PCDHGB4: variants seen among roughly 807,000 people sequenced by gnomAD.
PCDHGB4 encodes the protein protocadherin gamma-B4.
PCDHGB4 carries 38 observed loss-of-function variants against 60.5 expected under a neutral mutation model. The observed-to-expected ratio is 0.63, with a 90% CI of 0.48 to 0.82. PCDHGB4 has a LOEUF of 0.82. PCDHGB4 is among the 40% of genes least tolerant of loss of function. The pLI is 0.00. For synonymous variants in PCDHGB4, 456 were observed against 509.7 expected, an observed-to-expected ratio of 0.89 and a Z score of 1.42; for missense variants, 1,109 against 1,209.6, an observed-to-expected ratio of 0.92 and a Z score of 1.23.
intron 1 of PCDHGB4, among the ~76,000 whole-genome samples, chr5:141,466,670 G>T (rs994949602): frequency 6.6e-6 from 1 of 152,046 alleles, no homozygotes; most frequent in Non-Finnish European, 1.5e-5. Flanking sequence ...TGATTTCACC[G>T]TTCTTCCACT....
chr5:141,413,050 G>C (rs868475186), intron 1 of PCDHGB4: 5 of 939,920 alleles, frequency 5.3e-6, no homozygotes, highest in Middle Eastern at 3.3e-4. Flanking sequence ...CTGCAGGGAA[G>C]CTCACTCCAG....
At chr5:141,400,357 T>C (rs769075513) in intron 1 of PCDHGB4, 1 of 1,614,052 alleles carries the variant, frequency 6.2e-7, no homozygotes, top group Non-Finnish European at 8.5e-7. Flanking sequence ...TCAGGGGACT[T>C]TGCCTTATTC....
chr5:141,481,509 T>C (rs2154578624), intron 1 of PCDHGB4, among the ~76,000 whole-genome samples: 2 of 152,326 alleles, frequency 1.3e-5, no homozygotes, highest in Middle Eastern at 3.4e-3. Context: ...GTATGTGAAT[T>C]ATGTCTCAGT....
intron 1 of PCDHGB4, chr5:141,408,837 T>A: frequency 6.2e-7 from 1 of 1,613,716 alleles, no homozygotes; most frequent in Non-Finnish European, 8.5e-7. Flanking sequence ...AGCTTGATAT[T>A]GACTGCCTTG....
chr5:141,414,463 G>T, intron 1 of PCDHGB4: 1 of 1,613,932 alleles, frequency 6.2e-7, no homozygotes. Flanking sequence ...GACAGCCACA[G>T]ATGGGGGAAG....
rs968865313 is a variant in PCDHGB4, at chr5:141,511,294, C to T, written c.*121C>T. 1 of 1,506,752 alleles carries T rather than the reference C, an allele frequency of 6.6e-7. No individual in the cohort carries two copies. Among genetic ancestry groups the T allele is most frequent in the Non-Finnish European group, 8.9e-7 (1 of 1,123,692 alleles). 93.3% of individuals were successfully genotyped at this position (1,506,752 alleles called of 1,614,324 possible). On this transcript the variant is annotated 3_prime_UTR_variant, in exon 4 of 4. Coordinates refer to ENST00000519479, the MANE Select transcript of PCDHGB4 (RefSeq NM_003736.4). ...CCCAGAATACTGGTAGGGGCCAAGG[C>T]CATGCTCCCCTTGGGAAACAGAAAC...
At chr5:141,463,335 A>G (rs565781645) in intron 1 of PCDHGB4, among the ~76,000 whole-genome samples, 3 of 149,628 alleles carry the variant, frequency 2.0e-5, no homozygotes, top group South Asian at 2.1e-4. Context: ...CAGCAAAACC[A>G]TGGTGTTATT....
intron 1 of PCDHGB4, among the ~76,000 whole-genome samples, chr5:141,465,422 G>T (rs74711061): frequency 6.6e-6 from 1 of 152,142 alleles, no homozygotes; most frequent in Non-Finnish European, 1.5e-5. Context: ...AGCACTGAAA[G>T]GTGGGCACTT....
intron 1 of PCDHGB4, chr5:141,428,598 C>T (rs2097150047): frequency 4.5e-6 from 1 of 224,296 alleles, no homozygotes; most frequent in African/African-American, 2.3e-5. Context: ...TAGCAAGCTT[C>T]ACTGAAGAGA....
rs1364068033 is a variant in PCDHGB4 at position 141,490,353 on chromosome 5, G to A, written c.2398-4454G>A. 3.1e-6 allele frequency: 5 copies of A among 1,614,090 alleles called. No individual in the cohort carries two copies. The highest frequency in any genetic ancestry group is 4.2e-6 in the Non-Finnish European group (5 of 1,180,046). On this transcript the variant is annotated intron_variant, in intron 1 of 3. Transcript: ENST00000519479. This position sits in a 1 kb window ranked among gnomAD's most constrained non-coding sequence, Gnocchi z 5.4. ...CACCAGTGGGCACAGTAGTGGGGTT[G>A]TTTAATGTGCGAGACCGGGACTCAG...
chr5:141,508,550 G>T (rs1440375100), intron 3 of PCDHGB4, among the ~76,000 whole-genome samples: 3 of 152,138 alleles, frequency 2.0e-5, no homozygotes, highest in Non-Finnish European at 1.5e-5. Flanking sequence ...GGTGGGCGGG[G>T]GATGGCTTTG....
intron 1 of PCDHGB4, chr5:141,441,637 C>T (rs1200679247): frequency 4.4e-6 from 1 of 228,574 alleles, no homozygotes; most frequent in South Asian, 4.8e-5. Context: ...GAGCCACAGG[C>T]GCTGTGATTC....
At chr5:141,428,102 G>T (rs774075619) in intron 1 of PCDHGB4, 38 of 1,608,516 alleles carry the variant, frequency 2.4e-5, no homozygotes, top group Non-Finnish European at 3.2e-5. Flanking sequence ...CCTACCACGT[G>T]CTGCAGGCCA....
At chr5:141,449,538 G>A (rs1445815017) in intron 1 of PCDHGB4, among the ~76,000 whole-genome samples, 15 of 145,960 alleles carry the variant, frequency 1.0e-4, no homozygotes, top group East Asian at 4.0e-4. Flanking sequence ...GCAGTGAGCC[G>A]AGATCGCACC....
intron 1 of PCDHGB4, among the ~76,000 whole-genome samples, chr5:141,443,486 A>AAAAC (rs1345310906): frequency 6.6e-6 from 1 of 152,166 alleles, no homozygotes; most frequent in Non-Finnish European, 1.5e-5. Flanking sequence ...ACCCTGTCCC[A>AAAAC]AAACAAACAA....
At position 141,388,942 on chromosome 5, in the gene PCDHGB4, T is replaced by C; in HGVS notation, c.1058T>C (p.Leu353Pro). 6.2e-7 allele frequency: 1 copy of C among 1,614,004 alleles called. No homozygotes were observed. The highest frequency in any genetic ancestry group is 1.3e-5 in the African/African-American group (1 of 75,038). The change falls in exon 1 of 4, where the codon CTA (leucine) becomes CCA (proline). Residue 353 changes from leucine (L) to proline (P), a missense_variant. Transcript: ENST00000519479. Reference protein sequence around the residue: ...PEVIFQSLPNLIMEDAELGTH... With the variant: ...PEVIFQSLPNPIMEDAELGTH... Reference sequence around the variant, plus strand: ...GTGATATTCCAGTCTCTACCCAACCTAATTATGGAGGACGCCGAGCTGGGA... The same window carrying C: ...GTGATATTCCAGTCTCTACCCAACCCAATTATGGAGGACGCCGAGCTGGGA...
intron 1 of PCDHGB4, among the ~76,000 whole-genome samples, chr5:141,455,419 G>T (rs1462099602): frequency 6.6e-6 from 1 of 152,124 alleles, no homozygotes; most frequent in Non-Finnish European, 1.5e-5. Flanking sequence ...AGGGAGCGGG[G>T]CTCCAAAAGA....
rs770249472 is a variant in PCDHGB4, at chr5:141,477,747, C to T, written c.2398-17060C>T. On this transcript the variant is annotated intron_variant, in intron 1 of 3. Transcript: ENST00000519479. The surrounding 1 kb of genome is among the most constrained non-coding windows in gnomAD (Gnocchi z 4.9). ...ACAGCTCATATCAGCGATGGGGGCA[C>T]CCCGGTCCTAGCCACCAACATCAGC... 6.2e-7 allele frequency: 1 copy of T among 1,613,840 alleles called. No individual in the cohort carries two copies. The highest frequency in any genetic ancestry group is 1.7e-5 in the Admixed American group (1 of 60,026).
Position 141,400,095 on chromosome 5 carries a change from G to A in PCDHGB4, c.2397+9814G>A, listed in dbSNP as rs6873830. ...CGCCACTCTCCGCCACCGCCACGCT[G>A]CACTTGGTCTTTGCTGACAGCTTGC... On this transcript the variant is annotated intron_variant, in intron 1 of 3. Coordinates refer to ENST00000519479, the MANE Select transcript of PCDHGB4 (RefSeq NM_003736.4). 3.0e-3 allele frequency: 4,838 copies of A among 1,614,064 alleles called. 144 individuals are homozygous for A. The African/African-American group carries it at 0.056, about 19-fold the overall frequency.
Sources: allele counts gnomAD v4.1 joint callset (sites outside exome capture counted in the v4.1 genomes callset), GRCh38; gene constraint gnomAD v4.1.1; non-coding constraint Gnocchi (gnomAD v3.1); transcripts MANE v1.5; gene names NCBI Gene and HGNC (gene_info 2026-07-23, HGNC 2026-07-21).